The following TRIM49C variants were observed in gnomAD, a reference collection of about 807,000 sequenced individuals.
TRIM49C encodes tripartite motif-containing protein 49C.
A neutral mutation model predicts 21.4 loss-of-function variants in TRIM49C; 6 were observed. That is an observed-to-expected ratio of 0.28 (90% confidence interval 0.15 to 0.55). The LOEUF (loss-of-function observed/expected upper bound fraction) is 0.55. Ranked by LOEUF, TRIM49C falls within the 20% of genes least tolerant of loss-of-function variation. TRIM49C has a pLI of 0.94. For missense variants in TRIM49C, 161 were observed against 442.4 expected (o/e 0.36, Z 5.71); for synonymous variants, 57 against 148.1 (o/e 0.38, Z 4.47).
intron 2 of TRIM49C, among the ~76,000 whole-genome samples, chr11:90,033,455 G>A (rs1442826640): frequency 7.4e-6 from 1 of 135,406 alleles, no homozygotes; most frequent in Non-Finnish European, 1.6e-5. Flanking sequence ...TATGTTTACT[G>A]TACCCTTTCT....
intron 4 of TRIM49C, among the ~76,000 whole-genome samples, chr11:90,037,241 A>G (rs1013454994): frequency 3.0e-5 from 4 of 134,486 alleles, no homozygotes; most frequent in Admixed American, 8.7e-5. Flanking sequence ...GAAAAAGAAT[A>G]GAAGGAAATG....
the TRIM49C span, chr11:90,073,160 A>C: frequency 7.6e-6 from 8 of 1,046,214 alleles, 1 homozygote; most frequent in Admixed American, 7.0e-5. Flanking sequence ...CTCTAAGGAC[A>C]TATTTCTTCT....
chr11:90,034,714 G>A (rs12276214), intron 2 of TRIM49C, among the ~76,000 whole-genome samples: 14,459 of 131,076 alleles, frequency 0.11, 2,793 homozygotes, highest in African/African-American at 0.23. Context: ...ATAAACTTGT[G>A]CCATGGTGGT....
chr11:90,070,776 C>T, the TRIM49C span, among the ~76,000 whole-genome samples: 1 of 141,856 alleles, frequency 7.0e-6, no homozygotes. Flanking sequence ...GGCAGAATAA[C>T]AACTTGTTTG....
At chr11:90,059,842 G>C in the TRIM49C span, among the ~76,000 whole-genome samples, 1 of 146,950 alleles carries the variant, frequency 6.8e-6, no homozygotes, top group Admixed American at 6.8e-5. Flanking sequence ...CCGGGTCATT[G>C]ATGCTTTTAG....
chr11:90,069,390 C>T, the TRIM49C span, among the ~76,000 whole-genome samples: 5 of 130,264 alleles, frequency 3.8e-5, no homozygotes, highest in African/African-American at 1.5e-4. Context: ...GCTGGGATTA[C>T]AGGCGTGAGC....
downstream of TRIM49C, among the ~76,000 whole-genome samples, chr11:90,046,603 CG>C (rs2134829725): frequency 1.7e-5 from 2 of 120,340 alleles, 1 homozygote; most frequent in South Asian, 6.2e-4. Flanking sequence ...TCTGTGGGAT[CG>C]GTGGTGATAT....
chr11:90,073,152 C>G, the TRIM49C span: 1 of 1,069,992 alleles, frequency 9.3e-7, no homozygotes, highest in East Asian at 2.7e-5. Context: ...ATGTTTAACT[C>G]TAAGGACATA....
chr11:90,041,270 T>A lies in TRIM49C; in HGVS notation c.1079T>A (p.Met360Lys). 2 of 1,578,832 alleles carry A rather than the reference T, an allele frequency of 1.3e-6. No individual in the cohort carries two copies. The highest frequency in any genetic ancestry group is 8.6e-7 in the Non-Finnish European group (1 of 1,157,808). Residue 360 changes from methionine to lysine, a missense_variant, in exon 8 of 8, where the codon ATG becomes AAG. Physicochemically the swap from Met to Lys is moderately conservative, Grantham distance 95. Around this residue, in one of 3 missense-constraint regions of TRIM49C, gnomAD observed 63 missense variants for 67.6 expected, o/e 0.93. Coordinates refer to ENST00000448984, the MANE Select transcript of TRIM49C (RefSeq NM_001195234.1). Reference sequence around the variant, plus strand: ...AATTGGGCTTTTGGTGTCTGTAATATGTATCGGAAGGAGAAGAATCAGAAT... The same window carrying A: ...AATTGGGCTTTTGGTGTCTGTAATAAGTATCGGAAGGAGAAGAATCAGAAT... ...SWNWAFGVCN[M>K]YRKEKNQNEK...
At chr11:90,031,826 A>G (rs1353360468) in intron 1 of TRIM49C, among the ~76,000 whole-genome samples, 3 of 144,506 alleles carry the variant, frequency 2.1e-5, no homozygotes, top group Non-Finnish European at 4.6e-5. Context: ...TATCCTATAA[A>G]TGTACTAAAG....
downstream of TRIM49C, among the ~76,000 whole-genome samples, chr11:90,045,752 T>C (rs1950797713): frequency 8.8e-6 from 1 of 113,870 alleles, no homozygotes; most frequent in East Asian, 2.7e-4. Context: ...CTTTTCCTAA[T>C]TGAATACCCT....
chr11:90,035,391 G>A lies in TRIM49C; in HGVS notation c.180G>A (p.Glu60=). The change falls in exon 3 of 8, where the codon GAG becomes GAA. Residue 60 remains glutamate, a synonymous_variant. Transcript: ENST00000448984. ...GCTCTGAATGCACAAAGTCAACAGA[G>A]CAGATAAACCTCAAAACCAACATTC... ...VQCSECTKST[E]QINLKTNIHL... is the part of the protein sequence containing the mutation. 2.0e-6 allele frequency: 3 copies of A among 1,485,722 alleles called. 1 individual carries two copies. The highest frequency in any genetic ancestry group is 2.7e-6 in the Non-Finnish European group (3 of 1,104,968). The allele number at this position is 1,485,722 out of a possible 1,614,324, so 92.0% of individuals were successfully genotyped here. A position where few individuals can be genotyped will look rare whatever the true frequency, so the allele number is the denominator to read the frequency against.
In TRIM49C at chr11:90,041,448, T is replaced by C. The variant is rs907897585; in HGVS notation, c.1257T>C (p.Thr419=). ...TATTCCTGGATTGTGAGGCTAAGAC[T>C]GTGAGCTTTGTTGATGTTAATCAAA... ...VGLFLDCEAK[T]VSFVDVNQSS... is the part of the protein sequence containing the mutation. Residue 419 remains threonine, a synonymous_variant, in exon 8 of 8, where the codon ACT becomes ACC. Coordinates refer to ENST00000448984, the MANE Select transcript of TRIM49C (RefSeq NM_001195234.1). The C allele has an allele frequency of 3.2e-6, 5 of 1,564,688 alleles. No homozygotes were observed. In the African/African-American group the frequency reaches 7.4e-5, roughly 23 times the overall value.
At chr11:90,062,176 A>G in the TRIM49C span, 1 of 404,100 alleles carries the variant, frequency 2.5e-6, no homozygotes, top group Non-Finnish European at 4.3e-6. Context: ...AAGCGGTCAG[A>G]TTTTTCCAAG....
the TRIM49C span, chr11:90,062,126 A>AG: frequency 2.7e-6 from 1 of 367,304 alleles, no homozygotes; most frequent in East Asian, 5.6e-5. Flanking sequence ...CAATAAAAAA[A>AG]AAGGCTGTAA....
At chr11:90,033,157 T>G (rs1298755161) in intron 2 of TRIM49C, among the ~76,000 whole-genome samples, 1 of 135,100 alleles carries the variant, frequency 7.4e-6, no homozygotes, top group African/African-American at 2.7e-5. Flanking sequence ...CTTATTAAAC[T>G]GTGAAAAATT....
chr11:90,052,549 C>G, the TRIM49C span: 6 of 154,822 alleles, frequency 3.9e-5, no homozygotes, highest in Non-Finnish European at 6.9e-5. Context: ...TCTGCGCCCT[C>G]TCGTGGAGCG....
the TRIM49C span, chr11:90,052,422 G>A: frequency 5.5e-6 from 1 of 182,578 alleles, no homozygotes; most frequent in African/African-American, 2.5e-5. Context: ...TGGTCATCCT[G>A]ACTATGTGGT....
rs1453448072 is a variant in TRIM49C at position 90,037,017 on chromosome 11, T to C, written c.508-732T>C. ...GGGAACACAAATGTGTGTGTGGATATATATGTGGACCATGAGTGTGTATAT... is the reference window on the plus strand; with the variant it reads ...GGGAACACAAATGTGTGTGTGGATACATATGTGGACCATGAGTGTGTATAT... On this transcript the variant is annotated intron_variant, in intron 4 of 7. Coordinates refer to ENST00000448984, the MANE Select transcript of TRIM49C (RefSeq NM_001195234.1). 3.0e-5 allele frequency among the ~76,000 whole-genome samples: 4 copies of C among 134,050 alleles called. 1 individual carries two copies. Among genetic ancestry groups the C allele is most frequent in the Non-Finnish European group, 6.4e-5 (4 of 62,192 alleles). The allele number at this position is 134,050 out of a possible 152,430, so 87.9% of individuals were successfully genotyped here.
Sources: allele counts gnomAD v4.1 joint callset (sites outside exome capture counted in the v4.1 genomes callset), GRCh38; gene constraint gnomAD v4.1.1; regional missense constraint gnomAD v4.1.1; transcripts MANE v1.5; gene names NCBI Gene and HGNC (gene_info 2026-07-23, HGNC 2026-07-21).